SLC8A1: variants seen among roughly 807,000 people sequenced by gnomAD.
SLC8A1 encodes sodium/calcium exchanger 1.
In SLC8A1, 18 loss-of-function variants were observed where a neutral mutation model predicts 68.3. The ratio of observed to expected loss-of-function variants is 0.26; its 90% CI spans 0.18 to 0.39. SLC8A1 has a LOEUF of 0.39. SLC8A1 is among the 10% of genes least tolerant of loss of function. SLC8A1 has a pLI of 1.00. For synonymous variants in SLC8A1, 475 were observed against 415.5 expected, an observed-to-expected ratio of 1.14 and a Z score of -1.74; for missense variants, 985 against 1,156.7, an observed-to-expected ratio of 0.85 and a Z score of 2.15.
chr2:40,111,921 A>T (rs1389163337), exon 8 of SLC8A1: 1 of 152,142 alleles, frequency 6.6e-6, no homozygotes, highest in African/African-American at 2.4e-5. Context: ...TGGATGCAGG[A>T]AAGGATGTAG....
At chr2:40,382,994 T>C (rs1208167142) in intron 2 of SLC8A1, among the ~76,000 whole-genome samples, 3 of 152,110 alleles carry the variant, frequency 2.0e-5, no homozygotes, top group African/African-American at 4.8e-5. Flanking sequence ...ACCTGTCTTA[T>C]GGCATTTATT....
rs368043717 is a variant in SLC8A1, at chr2:40,493,177, G to A, written c.-25+19172C>T. Among the ~76,000 whole-genome samples, 15 of 152,188 alleles carry A rather than the reference G, an allele frequency of 9.9e-5. No homozygotes were observed. The East Asian group carries it at 1.9e-3, about 20-fold the overall frequency. ...ATACTATGCAGCTGTAAAAAATGATGAGTTCCTGTCCTTCGTAGGGACATG... is the reference window on the plus strand; with the variant it reads ...ATACTATGCAGCTGTAAAAAATGATAAGTTCCTGTCCTTCGTAGGGACATG... On this transcript the variant is annotated intron_variant, in intron 1 of 7. Coordinates refer to the SLC8A1 transcript ENST00000402441.
intron 2 of SLC8A1, among the ~76,000 whole-genome samples, chr2:40,200,193 T>TAAATATATATATAA (rs1558721067): frequency 0.051 from 273 of 5,342 alleles, 63 homozygotes; most frequent in Non-Finnish European, 0.11. Flanking sequence ...TATATATATT[T>TAAATATATATATAA]ATATATATAT....
At chr2:40,376,196 A>C (rs1430786219) in intron 2 of SLC8A1, among the ~76,000 whole-genome samples, 1 of 152,064 alleles carries the variant, frequency 6.6e-6, no homozygotes, top group East Asian at 1.9e-4. Context: ...CTGTTAACCT[A>C]TCAGTCTAGT....
chr2:40,205,194 A>G (rs983065667), intron 2 of SLC8A1, among the ~76,000 whole-genome samples: 1 of 152,054 alleles, frequency 6.6e-6, no homozygotes, highest in African/African-American at 2.4e-5. Context: ...TAGCCTTTCC[A>G]TAAGGTATAC....
chr2:40,246,111 T>C (rs888803565), intron 2 of SLC8A1, among the ~76,000 whole-genome samples: 1 of 152,220 alleles, frequency 6.6e-6, no homozygotes, highest in Non-Finnish European at 1.5e-5. Flanking sequence ...TTTTTTCTGC[T>C]TAGGCAATAC....
upstream of SLC8A1, among the ~76,000 whole-genome samples, chr2:40,455,575 G>T (rs772551797): frequency 6.6e-6 from 1 of 151,994 alleles, no homozygotes; most frequent in Non-Finnish European, 1.5e-5. Context: ...CCCTAGCCTG[G>T]CCAGTGAGTG....
intron 1 of SLC8A1, among the ~76,000 whole-genome samples, chr2:40,466,012 G>T (rs1023963229): frequency 6.6e-5 from 10 of 152,084 alleles, no homozygotes; most frequent in Non-Finnish European, 1.3e-4. Context: ...CAGCAAGAAG[G>T]CCCTGACAAG....
chr2:40,139,624 G>A (rs770499303), exon 7 of SLC8A1: 42 of 1,613,944 alleles, frequency 2.6e-5, no homozygotes, highest in South Asian at 2.4e-4. Flanking sequence ...TCACGTAATC[G>A]AAACAGGAGG....
chr2:40,154,309 T>A (rs1346067165), intron 6 of SLC8A1, among the ~76,000 whole-genome samples: 1 of 126,746 alleles, frequency 7.9e-6, no homozygotes, highest in Admixed American at 7.7e-5. Flanking sequence ...CTTTTTTTTT[T>A]TTTTTTTTTT....
chr2:40,301,909 C>T (rs1463380776), intron 2 of SLC8A1, among the ~76,000 whole-genome samples: 1 of 152,078 alleles, frequency 6.6e-6, no homozygotes, highest in Non-Finnish European at 1.5e-5. Flanking sequence ...ATTGCCCACG[C>T]TGGAGTGCAG....
chr2:40,356,436 T>G (rs1672684458), intron 2 of SLC8A1, among the ~76,000 whole-genome samples: 1 of 152,300 alleles, frequency 6.6e-6, no homozygotes, highest in East Asian at 1.9e-4. Flanking sequence ...GCATTTATGA[T>G]GCTTTAAATA....
chr2:40,485,409 C>T (rs1704898282), intron 1 of SLC8A1, among the ~76,000 whole-genome samples: 1 of 152,110 alleles, frequency 6.6e-6, no homozygotes, highest in African/African-American at 2.4e-5. Flanking sequence ...AAGCAGGACT[C>T]ATGGAAATAA....
intron 2 of SLC8A1, among the ~76,000 whole-genome samples, chr2:40,287,619 T>TGTGTGTGTGTGTGTGTGC (rs1218621116): frequency 9.4e-5 from 14 of 148,496 alleles, no homozygotes; most frequent in African/African-American, 1.3e-4. Context: ...TGTGTGTGTG[T>TGTGTGTGTGTGTGTGTGC]GCATGCAGGG....
rs562066664 is a variant in SLC8A1, at chr2:40,491,234, C to A, written c.-25+21115G>T. 1.1e-4 allele frequency among the ~76,000 whole-genome samples: 16 copies of A among 152,174 alleles called. No individual in the cohort carries two copies. In the East Asian group the frequency reaches 2.9e-3, roughly 28 times the overall value. On this transcript the variant is annotated intron_variant, in intron 1 of 7. Transcript: ENST00000402441. The stretch of plus-strand genomic sequence containing the variant: ...AAGTTGGATTCCTAGGTATTTTATT[C>A]TCTTTGAAGCAATTGTGAATGGGAG...
intron 2 of SLC8A1, among the ~76,000 whole-genome samples, chr2:40,401,863 A>C (rs1442354215): frequency 1.3e-5 from 2 of 152,200 alleles, no homozygotes; most frequent in Non-Finnish European, 2.9e-5. Flanking sequence ...TTTATGGGTC[A>C]TGTGTCTAAG....
At chr2:40,499,177 A>C (rs888584090) in intron 1 of SLC8A1, among the ~76,000 whole-genome samples, 1 of 150,450 alleles carries the variant, frequency 6.6e-6, no homozygotes, top group African/African-American at 2.4e-5. Context: ...GGTATCGGAC[A>C]AAAAGAAGAT....
exon 8 of SLC8A1, chr2:40,099,587 T>A (rs1231440007): frequency 6.6e-6 from 1 of 152,048 alleles, no homozygotes; most frequent in Non-Finnish European, 1.5e-5. Flanking sequence ...TTGTGATGGG[T>A]CCTTCAAACT....
chr2:40,286,781 G>A (rs2068384593), intron 2 of SLC8A1, among the ~76,000 whole-genome samples: 1 of 152,168 alleles, frequency 6.6e-6, no homozygotes, highest in Non-Finnish European at 1.5e-5. Context: ...GTGACACATG[G>A]AGCAATTGAT....
Sources: allele counts gnomAD v4.1 joint callset (sites outside exome capture counted in the v4.1 genomes callset), GRCh38; gene constraint gnomAD v4.1.1; transcripts MANE v1.5; gene names NCBI Gene and HGNC (gene_info 2026-07-23, HGNC 2026-07-21).